KRIT1: variants seen among roughly 807,000 people sequenced by gnomAD.
KRIT1 encodes KRIT1 ankyrin repeat containing.
In KRIT1, 45 loss-of-function variants were observed where a neutral mutation model predicts 95.8. The observed-to-expected ratio is 0.47, with a 90% confidence interval of 0.37 to 0.60. The LOEUF (loss-of-function observed/expected upper bound fraction) is 0.60. KRIT1 is among the 20% of genes least tolerant of loss of function. The pLI, the probability that KRIT1 is intolerant of heterozygous loss-of-function variation, is 0.00. For synonymous variants in KRIT1, 282 were observed against 278.8 expected (o/e 1.01, Z -0.11); for missense variants, 788 against 877.5 (o/e 0.90, Z 1.29).
intron 5 of KRIT1, among the ~76,000 whole-genome samples, chr7:92,238,773 G>C (rs374110903): frequency 6.6e-6 from 1 of 152,194 alleles, no homozygotes; most frequent in African/African-American, 2.4e-5. Context: ...TGACAAGTTA[G>C]GAGATGAAGG....
intron 14 of KRIT1, among the ~76,000 whole-genome samples, chr7:92,221,559 A>G (rs1014289684): frequency 2.6e-5 from 4 of 152,148 alleles, no homozygotes; most frequent in African/African-American, 9.7e-5. Flanking sequence ...CTTCCTTCAA[A>G]ATGTATACAA....
At chr7:92,235,721 TGA>T (rs1798307420) in intron 7 of KRIT1, 75 bp from the exon 8 acceptor site, 15 of 1,359,634 alleles carry the variant, frequency 1.1e-5, no homozygotes, top group Non-Finnish European at 1.6e-5. Flanking sequence ...TATCTAACTC[TGA>T]TATATGACAC....
Position 92,204,265 on chromosome 7 carries a change from A to C in KRIT1, c.2026-2842T>G, listed in dbSNP as rs539380369. ...AAAAGAGTGAGACTGTGTCCCAAGG[A>C]AAAAAAAAAAAGGAAAGAAAAAGAA... On this transcript the variant is annotated intron_variant, in intron 17 of 18. Coordinates refer to ENST00000394505, the MANE Select transcript of KRIT1 (RefSeq NM_194454.3). 2.3e-3 allele frequency among the ~76,000 whole-genome samples: 336 copies of C among 143,264 alleles called. 2 individuals carry two copies. The highest frequency in any genetic ancestry group is 4.4e-3 in the Non-Finnish European group (286 of 64,850). The allele number at this position is 143,264 out of a possible 152,430, so 94.0% of individuals were successfully genotyped here.
intron 14 of KRIT1, among the ~76,000 whole-genome samples, chr7:92,220,284 C>G (rs1179162670): frequency 3.9e-5 from 6 of 152,110 alleles, no homozygotes; most frequent in African/African-American, 1.4e-4. Context: ...TTAAGATGAT[C>G]ATGTGTTTTC....
chr7:92,245,468 C>T (rs1800738245), intron 1 of KRIT1: 1 of 151,674 alleles, frequency 6.6e-6, no homozygotes, highest in Non-Finnish European at 1.5e-5. Flanking sequence ...CTCCCACCTC[C>T]GTTTTCCCTC....
chr7:92,224,093 G>T (rs940747489), intron 12 of KRIT1, among the ~76,000 whole-genome samples: 1 of 152,162 alleles, frequency 6.6e-6, no homozygotes, highest in African/African-American at 2.4e-5. Flanking sequence ...GCGTGCGTGT[G>T]TGGTATGTGT....
intron 7 of KRIT1, 73 bp downstream of exon 7, chr7:92,236,340 A>G: frequency 1.0e-6 from 1 of 994,334 alleles, no homozygotes; most frequent in Non-Finnish European, 1.6e-6. Context: ...AAGTGTCTGT[A>G]TCTATGACAA....
At chr7:92,243,218 G>A (rs139828456) in intron 3 of KRIT1, among the ~76,000 whole-genome samples, 2 of 152,092 alleles carry the variant, frequency 1.3e-5, no homozygotes, top group Admixed American at 6.5e-5. Flanking sequence ...TCTCCATTGC[G>A]CAATTTCCAA....
chr7:92,226,641 C>A lies in KRIT1; in HGVS notation c.1031G>T (p.Gly344Val). Reference protein sequence around the residue: ...VEATRILLEKGKCNPNLLNGQ... With the variant: ...VEATRILLEKVKCNPNLLNGQ... ...ATTTAAAAGGTTTGGATTGCACTTT[C>A]CTTTCTCTAACAATATGCGAGTGGC... is the stretch of plus-strand genomic sequence containing the variant. Residue 344 changes from glycine to valine, a missense_variant, in exon 11 of 19, where the codon GGA (glycine) becomes GTA (valine). Transcript: ENST00000394505. The A allele has an allele frequency of 6.2e-7, 1 of 1,613,502 alleles. No homozygotes were observed. The highest frequency in any genetic ancestry group is 8.5e-7 in the Non-Finnish European group (1 of 1,179,652).
rs145203490 is a variant in KRIT1 at position 92,229,405 on chromosome 7, G to A, written c.990-2723C>T. ...ATATTTGCAAACTATGCATCTGACAGAAGTCTAATATCCAGCACCTATAAG... is the reference window on the plus strand; with the variant it reads ...ATATTTGCAAACTATGCATCTGACAAAAGTCTAATATCCAGCACCTATAAG... On this transcript the variant is annotated intron_variant, in intron 10 of 18. Transcript: ENST00000394505. Among the ~76,000 whole-genome samples the A allele has an allele frequency of 1.7e-3, 265 of 152,224 alleles. 1 individual carries two copies. The highest frequency in any genetic ancestry group is 6.2e-3 in the African/African-American group (257 of 41,552).
At chr7:92,202,626 G>A (rs1261044716) in intron 17 of KRIT1, among the ~76,000 whole-genome samples, 2 of 152,090 alleles carry the variant, frequency 1.3e-5, no homozygotes, top group Non-Finnish European at 2.9e-5. Context: ...AATGGGTTAG[G>A]GGATTTTTAA....
chr7:92,228,928 C>T (rs994990939), intron 10 of KRIT1, among the ~76,000 whole-genome samples: 2 of 152,240 alleles, frequency 1.3e-5, no homozygotes, highest in South Asian at 4.1e-4. Context: ...GTTCTTTTTT[C>T]TGGCTGCATA....
At chr7:92,224,573 CTAATT>C (rs1463226427) in intron 12 of KRIT1, among the ~76,000 whole-genome samples, 1 of 152,104 alleles carries the variant, frequency 6.6e-6, no homozygotes, top group Non-Finnish European at 1.5e-5. Flanking sequence ...TTTAATGTCA[CTAATT>C]TGAGCTTTAT....
Position 92,234,812 on chromosome 7 carries a change from C to T in KRIT1, c.841G>A (p.Asp281Asn). 6.4e-7 allele frequency: 1 copy of T among 1,567,390 alleles called. No homozygotes were observed. The highest frequency in any genetic ancestry group is 1.4e-5 in the African/African-American group (1 of 74,042). ...WQRSMSSVTE[D>N]KERQWVDDFP... is the part of the protein sequence containing the mutation. ...GGAGTAAAACCGAAACAGTACTTGT[C>T]TTCTGTGACACTGCTCATGCTTCTC... Residue 281 changes from aspartate to asparagine, a missense_variant, in exon 9 of 19, where the codon GAC (aspartate) becomes AAC (asparagine). Around this residue, in one of 3 missense-constraint regions of KRIT1, gnomAD observed 493 missense variants for 582.3 expected, o/e 0.85. Coordinates refer to ENST00000394505, the MANE Select transcript of KRIT1 (RefSeq NM_194454.3).
Position 92,235,841 on chromosome 7 carries a change from AC to A in KRIT1, c.486-196del, listed in dbSNP as rs1334829837. The A allele has an allele frequency of 3.1e-5, 16 of 513,634 alleles. No individual in the cohort carries two copies. The South Asian group carries it at 3.3e-4, about 11-fold the overall frequency. The allele number at this position is 513,634 out of a possible 1,614,324, so 31.8% of individuals were successfully genotyped here. ...GCAAATTGATTTTTTTAACAAAAAA[AC>A]ATGCATAATACTGTACATACTTTAG... On this transcript the variant is annotated intron_variant, in intron 7 of 18. Transcript: ENST00000394505.
At chr7:92,219,776 A>T (rs1424693303) in intron 14 of KRIT1, among the ~76,000 whole-genome samples, 1 of 152,156 alleles carries the variant, frequency 6.6e-6, no homozygotes, top group Non-Finnish European at 1.5e-5. Context: ...GAACGTGGAG[A>T]TGTCTTTCCA....
At chr7:92,228,663 G>A (rs1004414102) in intron 10 of KRIT1, among the ~76,000 whole-genome samples, 1 of 152,088 alleles carries the variant, frequency 6.6e-6, no homozygotes, top group African/African-American at 2.4e-5. Context: ...TCATGGGGGT[G>A]TGTCGTACAG....
intron 10 of KRIT1, among the ~76,000 whole-genome samples, chr7:92,231,697 A>G (rs1262845664): frequency 6.6e-6 from 1 of 152,234 alleles, no homozygotes; most frequent in Non-Finnish European, 1.5e-5. Flanking sequence ...TAGTTAAATC[A>G]TTATTTGAAT....
intron 7 of KRIT1, 67 bp downstream of exon 7, chr7:92,236,346 G>T: frequency 9.4e-7 from 1 of 1,066,262 alleles, no homozygotes; most frequent in Non-Finnish European, 1.4e-6. Context: ...CTGTATCTAT[G>T]ACAACTAATT....
Sources: gnomAD v4.1 joint callset for allele counts (sites outside exome capture counted in the v4.1 genomes callset) on GRCh38, gnomAD v4.1.1 for gene constraint, gnomAD v4.1.1 regional missense constraint, MANE v1.5 for transcripts, NCBI Gene and HGNC (gene_info 2026-07-23, HGNC 2026-07-21) for gene names.